JMJD1C: variants seen among roughly 807,000 people sequenced by gnomAD.
JMJD1C encodes the protein jumonji domain-containing protein 1C.
A neutral mutation model predicts 245.3 loss-of-function variants in JMJD1C; 31 were observed. The observed-to-expected ratio is 0.13, with a 90% CI of 0.09 to 0.17. The LOEUF (loss-of-function observed/expected upper bound fraction) is 0.17. Ranked by LOEUF, JMJD1C falls within the 10% of genes least tolerant of loss-of-function variation. The pLI is 1.00. For synonymous variants in JMJD1C, 1,057 were observed against 1,017.4 expected (o/e 1.04, Z -0.74); for missense variants, 2,691 against 3,000.2 (o/e 0.90, Z 2.41).
At chr10:63,305,366 C>CAAA (rs758005863) in intron 2 of JMJD1C, among the ~76,000 whole-genome samples, 3,306 of 106,208 alleles carry the variant, frequency 0.031, 338 homozygotes, top group African/African-American at 0.093. Flanking sequence ...GACTCCACCT[C>CAAA]AAAAAAAAAA....
chr10:63,390,310 A>G (rs1947953828), intron 1 of JMJD1C, among the ~76,000 whole-genome samples: 1 of 152,170 alleles, frequency 6.6e-6, no homozygotes, highest in Non-Finnish European at 1.5e-5. Flanking sequence ...GACACATACA[A>G]CTACCAAGAT....
chr10:63,276,616 C>T (rs1352940100), intron 2 of JMJD1C, among the ~76,000 whole-genome samples: 1 of 152,130 alleles, frequency 6.6e-6, no homozygotes, highest in Non-Finnish European at 1.5e-5. Flanking sequence ...AGGTGCCCAC[C>T]ACCACTACGC....
chr10:63,519,097 T>G (rs1049614181), intron 1 of JMJD1C, among the ~76,000 whole-genome samples: 1 of 152,206 alleles, frequency 6.6e-6, no homozygotes, highest in Non-Finnish European at 1.5e-5. Flanking sequence ...TTCCAACCCA[T>G]GGCCTATTGA....
intron 2 of JMJD1C, among the ~76,000 whole-genome samples, chr10:63,362,191 T>C (rs1346835000): frequency 6.8e-6 from 1 of 147,382 alleles, no homozygotes; most frequent in Non-Finnish European, 1.5e-5. Flanking sequence ...GCCAAAATCA[T>C]GACACTGCAC....
chr10:63,186,582 G>A (rs1448630090), intron 18 of JMJD1C, among the ~76,000 whole-genome samples, 199 bp from the exon 19 acceptor site: 2 of 151,914 alleles, frequency 1.3e-5, no homozygotes, highest in Non-Finnish European at 2.9e-5. Context: ...ATTAAATTTC[G>A]AGCCTAATGA....
rs75773202 is a variant in JMJD1C, at chr10:63,379,472, G to A, written c.333+846C>T. Among the ~76,000 whole-genome samples the A allele has an allele frequency of 3.2e-4, 48 of 152,172 alleles. No individual in the cohort carries two copies. The East Asian group carries it at 8.7e-3, about 28-fold the overall frequency. ...TTAAATAAAACTCTTCAAAGTACCAGAGAATTTACTGAAAATTATTATATT... is the reference window on the plus strand; with the variant it reads ...TTAAATAAAACTCTTCAAAGTACCAAAGAATTTACTGAAAATTATTATATT... On this transcript the variant is annotated intron_variant, in intron 2 of 25. Coordinates refer to ENST00000399262, the MANE Select transcript of JMJD1C (RefSeq NM_032776.3).
rs1421480591 is a variant in JMJD1C, at chr10:63,214,380, T to C, written c.1787A>G (p.Tyr596Cys). 1.2e-6 allele frequency: 2 copies of C among 1,614,026 alleles called. No homozygotes were observed. Among genetic ancestry groups the C allele is most frequent in the East Asian group, 2.2e-5 (1 of 44,870 alleles). Residue 596 changes from tyrosine (Y) to cysteine (C), a missense_variant, in exon 8 of 26, where the codon TAT (tyrosine) becomes TGT (cysteine). Tyr to Cys is a radical substitution (Grantham distance 194, BLOSUM62 -2). Coordinates refer to ENST00000399262, the MANE Select transcript of JMJD1C (RefSeq NM_032776.3). ...NDHLNMEKEK[Y>C]VSYISPLSAV... ...ACTTAAAGGAGAAATGTAAGAGACA[T>C]ACTTCTCTTTTTCCATGTTCAAGTG...
chr10:63,399,977 C>A (rs1948751480), intron 1 of JMJD1C, among the ~76,000 whole-genome samples: 2 of 152,000 alleles, frequency 1.3e-5, no homozygotes, highest in Admixed American at 1.3e-4. Flanking sequence ...CACATGAACA[C>A]ATACTCAAAT....
intron 1 of JMJD1C, among the ~76,000 whole-genome samples, chr10:63,493,000 A>G (rs1210836974): frequency 6.6e-6 from 1 of 152,130 alleles, no homozygotes; most frequent in Non-Finnish European, 1.5e-5. Context: ...TGAAAGTGTT[A>G]GCTTAAGGGG....
chr10:63,278,300 AC>A (rs1451449307), intron 2 of JMJD1C, among the ~76,000 whole-genome samples: 1 of 151,446 alleles, frequency 6.6e-6, no homozygotes, highest in East Asian at 1.9e-4. Context: ...AGCCTTACCA[AC>A]ATGGTAAAAC....
chr10:63,520,554 T>C (rs1955180879), intron 1 of JMJD1C, among the ~76,000 whole-genome samples: 1 of 151,666 alleles, frequency 6.6e-6, no homozygotes, highest in African/African-American at 2.4e-5. Flanking sequence ...AAATGATATT[T>C]GCAAGAACAG....
chr10:63,359,535 A>T (rs1282091408), intron 2 of JMJD1C, among the ~76,000 whole-genome samples: 1 of 152,214 alleles, frequency 6.6e-6, no homozygotes, highest in Non-Finnish European at 1.5e-5. Flanking sequence ...CCTGAATATG[A>T]CTATCCAATT....
chr10:63,271,546 T>C (rs1488671706), intron 2 of JMJD1C, among the ~76,000 whole-genome samples: 1 of 152,098 alleles, frequency 6.6e-6, no homozygotes, highest in Non-Finnish European at 1.5e-5. Flanking sequence ...TAAAAATTCA[T>C]GCTAATTAAA....
chr10:63,388,709 T>C (rs1434898070), intron 1 of JMJD1C, among the ~76,000 whole-genome samples: 1 of 152,164 alleles, frequency 6.6e-6, no homozygotes, highest in Non-Finnish European at 1.5e-5. Context: ...AGCCCTCACA[T>C]GTTAATAATA....
intron 2 of JMJD1C, among the ~76,000 whole-genome samples, chr10:63,280,140 G>T (rs539048102): frequency 6.6e-6 from 1 of 152,174 alleles, no homozygotes. Context: ...GACAGGGCGA[G>T]ACTTCATATC....
In JMJD1C at chr10:63,500,746, A is replaced by AGGATGGATGAATGGATGGAT. The variant is rs796916951; in HGVS notation, n.113+20991_113+20992insATCCATCCATTCATCCATCC. ...CTCGATGGATGGATGGATGGATGGA[A>AGGATGGATGAATGGATGGAT]GGATGGATGGATGGATGGATGGATG... On this transcript the variant is annotated intron_variant and non_coding_transcript_variant, in intron 1 of 3. Transcript: ENST00000633035. Among the ~76,000 whole-genome samples, 118 of 112,212 alleles carry AGGATGGATGAATGGATGGAT rather than the reference A, an allele frequency of 1.1e-3. 1 individual carries two copies. The highest frequency in any genetic ancestry group is 1.6e-3 in the South Asian group (5 of 3,150). The allele number at this position is 112,212 out of a possible 152,430, so 73.6% of individuals were successfully genotyped here. A position where few individuals can be genotyped will look rare whatever the true frequency, so the allele number is the denominator to read the frequency against.
intron 4 of JMJD1C, 22 bp downstream of exon 4, chr10:63,219,856 T>A (rs1848408768): frequency 6.4e-7 from 1 of 1,568,182 alleles, no homozygotes. Flanking sequence ...AAAAATTTAA[T>A]GCATAACTTC....
chr10:63,353,713 G>T (rs1483831858), intron 2 of JMJD1C, among the ~76,000 whole-genome samples: 1 of 151,590 alleles, frequency 6.6e-6, no homozygotes, highest in East Asian at 1.9e-4. Flanking sequence ...AACCATATTG[G>T]CCAGGCTGGT....
chr10:63,361,412 A>C (rs1945313035), intron 2 of JMJD1C, among the ~76,000 whole-genome samples: 2 of 152,188 alleles, frequency 1.3e-5, no homozygotes, highest in Non-Finnish European at 2.9e-5. Flanking sequence ...AAAAAGAGCA[A>C]GACTCCGTCT....
Sources: allele counts gnomAD v4.1 joint callset (sites outside exome capture counted in the v4.1 genomes callset), GRCh38; gene constraint gnomAD v4.1.1; transcripts MANE v1.5; gene names NCBI Gene and HGNC (gene_info 2026-07-23, HGNC 2026-07-21).